Variants in OPCML observed in about 807,000 individuals in gnomAD.
OPCML encodes opioid binding protein/cell adhesion molecule like.
Under a neutral mutation model 37.8 loss-of-function variants are expected in OPCML, and 13 were observed. The ratio of observed to expected loss-of-function variants is 0.34; its 90% confidence interval spans 0.22 to 0.55. The LOEUF (loss-of-function observed/expected upper bound fraction) is 0.55. Ranked by LOEUF, OPCML falls within the 20% of genes least tolerant of loss-of-function variation. The pLI, the probability that OPCML is intolerant of heterozygous loss-of-function variation, is 0.91. For synonymous variants in OPCML, 176 were observed against 168.8 expected, an observed-to-expected ratio of 1.04 and a Z score of -0.33; for missense variants, 341 against 435.6, an observed-to-expected ratio of 0.78 and a Z score of 1.93.
intron 1 of OPCML, among the ~76,000 whole-genome samples, chr11:132,984,502 T>C (rs1022431532): frequency 6.6e-6 from 1 of 152,212 alleles, no homozygotes; most frequent in Non-Finnish European, 1.5e-5. Context: ...GTAATAGATA[T>C]TGTTAATCAT....
At chr11:132,867,906 A>C (rs375649255) in intron 2 of OPCML, among the ~76,000 whole-genome samples, 3 of 152,204 alleles carry the variant, frequency 2.0e-5, no homozygotes, top group Middle Eastern at 3.2e-3. Flanking sequence ...GGTTGTTGGC[A>C]GGCAAAGTGA....
intron 3 of OPCML, among the ~76,000 whole-genome samples, chr11:132,530,169 T>A (rs2096320410): frequency 6.6e-6 from 1 of 152,152 alleles, no homozygotes; most frequent in Non-Finnish European, 1.5e-5. Context: ...ATGATCATGA[T>A]GATGACAGAA....
At chr11:133,529,549 C>A (rs1368078228) in intron 1 of OPCML, among the ~76,000 whole-genome samples, 2 of 152,162 alleles carry the variant, frequency 1.3e-5, no homozygotes, top group East Asian at 3.9e-4. Flanking sequence ...CCTAGAAAAG[C>A]TATTTGTGAT....
At chr11:132,631,368 T>TATATAC (rs1175741120) in intron 3 of OPCML, among the ~76,000 whole-genome samples, 1 of 148,748 alleles carries the variant, frequency 6.7e-6, no homozygotes. Flanking sequence ...TATATATATA[T>TATATAC]ATATATATCT....
At chr11:133,439,292 GT>G (rs61423385) in intron 1 of OPCML, 97,600 of 731,106 alleles carry the variant, frequency 0.13, 6 homozygotes, top group Non-Finnish European at 0.15. Flanking sequence ...AGTAAAAGAT[GT>G]TTTTTTTTTT....
chr11:132,643,897 C>G (rs1258467725), intron 3 of OPCML, among the ~76,000 whole-genome samples: 2 of 152,194 alleles, frequency 1.3e-5, no homozygotes, highest in African/African-American at 4.8e-5. Context: ...AAAAAATTGA[C>G]TGCAAACTTT....
intron 1 of OPCML, among the ~76,000 whole-genome samples, chr11:133,472,820 A>C (rs12288624): frequency 0.22 from 33,454 of 151,706 alleles, 3,956 homozygotes; most frequent in African/African-American, 0.3. Context: ...AGCAATTGGC[A>C]ATCTCGTCCC....
At chr11:133,493,171 T>A (rs1256699027) in intron 1 of OPCML, among the ~76,000 whole-genome samples, 1 of 152,226 alleles carries the variant, frequency 6.6e-6, no homozygotes, top group East Asian at 1.9e-4. Context: ...ACCCCCATCC[T>A]GGCTGGGAGC....
intron 2 of OPCML, among the ~76,000 whole-genome samples, chr11:132,817,895 A>AAAAC (rs1666811071): frequency 6.6e-6 from 1 of 152,230 alleles, no homozygotes; most frequent in Non-Finnish European, 1.5e-5. Context: ...TTAAAGAAAT[A>AAAAC]AAACAAAATA....
At chr11:133,447,932 G>C (rs968698826) in intron 1 of OPCML, among the ~76,000 whole-genome samples, 1 of 152,256 alleles carries the variant, frequency 6.6e-6, no homozygotes, top group Admixed American at 6.5e-5. Flanking sequence ...TATATTCTAT[G>C]TATAAGTGTT....
At chr11:132,612,836 C>A (rs977542213) in intron 3 of OPCML, among the ~76,000 whole-genome samples, 1 of 152,118 alleles carries the variant, frequency 6.6e-6, no homozygotes, top group African/African-American at 2.4e-5. Context: ...AGTCCGGTCA[C>A]CTATTTTCTG....
chr11:132,446,808 T>C (rs926149123), intron 4 of OPCML, among the ~76,000 whole-genome samples: 1 of 152,130 alleles, frequency 6.6e-6, no homozygotes, highest in South Asian at 2.1e-4. Flanking sequence ...GATCAATGCA[T>C]GGAAGGAGAC....
chr11:132,861,208 T>C (rs961722250), intron 2 of OPCML, among the ~76,000 whole-genome samples: 2 of 152,244 alleles, frequency 1.3e-5, no homozygotes, highest in Admixed American at 6.5e-5. Context: ...GGATGTTTTA[T>C]AACAAAGCCC....
chr11:132,456,939 C>A (rs187569973), intron 4 of OPCML, among the ~76,000 whole-genome samples: 317 of 152,308 alleles, frequency 2.1e-3, no homozygotes, highest in African/African-American at 7.1e-3. Context: ...GGCAATCACT[C>A]CCTTCAGGGA....
chr11:132,661,024 G>C (rs1941953145), intron 2 of OPCML, among the ~76,000 whole-genome samples: 1 of 152,148 alleles, frequency 6.6e-6, no homozygotes, highest in Non-Finnish European at 1.5e-5. Context: ...CATAGAACCA[G>C]TGCAAGTGGC....
intron 2 of OPCML, among the ~76,000 whole-genome samples, chr11:132,919,234 G>A (rs1441449402): frequency 1.3e-5 from 2 of 152,268 alleles, no homozygotes; most frequent in East Asian, 1.9e-4. Flanking sequence ...CTACCAGGAC[G>A]CAGACCAACA....
chr11:133,100,862 C>G (rs1284660007), intron 1 of OPCML, among the ~76,000 whole-genome samples: 2 of 152,154 alleles, frequency 1.3e-5, no homozygotes, highest in Non-Finnish European at 2.9e-5. Context: ...ATAAAACGCC[C>G]AGGAGATAAC....
At chr11:133,347,664 T>G (rs769199993) in intron 1 of OPCML, among the ~76,000 whole-genome samples, 1 of 152,220 alleles carries the variant, frequency 6.6e-6, no homozygotes, top group Non-Finnish European at 1.5e-5. Flanking sequence ...TATTTGGACA[T>G]AGCAGCATGC....
chr11:132,822,679 T>C (rs900526672), intron 2 of OPCML, among the ~76,000 whole-genome samples: 2 of 152,202 alleles, frequency 1.3e-5, no homozygotes, highest in African/African-American at 4.8e-5. Flanking sequence ...AGTCCCTCCC[T>C]TTCCTTAACA....
Sources: gnomAD v4.1 joint callset for allele counts (sites outside exome capture counted in the v4.1 genomes callset) on GRCh38, gnomAD v4.1.1 for gene constraint, MANE v1.5 for transcripts, NCBI Gene and HGNC (gene_info 2026-07-23, HGNC 2026-07-21) for gene names.